HS3ST4: variants seen among roughly 807,000 people sequenced by gnomAD.
The protein encoded by HS3ST4 is heparan sulfate glucosamine 3-O-sulfotransferase 4.
In HS3ST4, 17 loss-of-function variants were observed where a neutral mutation model predicts 29.2. The observed-to-expected ratio is 0.58, with a 90% CI of 0.40 to 0.87. The LOEUF (loss-of-function observed/expected upper bound fraction) is 0.87. Ranked by LOEUF, HS3ST4 falls within the 40% of genes least tolerant of loss-of-function variation. HS3ST4 has a pLI of 0.00. For synonymous variants in HS3ST4, 314 were observed against 285.7 expected, an observed-to-expected ratio of 1.10 and a Z score of -1.00; for missense variants, 627 against 634.5, an observed-to-expected ratio of 0.99 and a Z score of 0.13.
intron 1 of HS3ST4, among the ~76,000 whole-genome samples, chr16:25,861,778 T>C (rs1967639988): frequency 6.6e-6 from 1 of 152,206 alleles, no homozygotes; most frequent in Admixed American, 6.5e-5. Flanking sequence ...TTACCACTTA[T>C]CCTCCCTTAA....
At chr16:25,813,498 G>A (rs536319778) in intron 1 of HS3ST4, among the ~76,000 whole-genome samples, 2 of 152,286 alleles carry the variant, frequency 1.3e-5, no homozygotes, top group South Asian at 4.1e-4. Flanking sequence ...TTGGGAGGCT[G>A]AGGGAGAGGA....
At chr16:25,769,094 G>A (rs1467909959) in intron 1 of HS3ST4, among the ~76,000 whole-genome samples, 3 of 152,150 alleles carry the variant, frequency 2.0e-5, no homozygotes, top group Non-Finnish European at 1.5e-5. Context: ...ATACGAATCT[G>A]GAGTCAGTGT....
Position 26,073,435 on chromosome 16 carries a change from C to T in HS3ST4, c.735-62177C>T, listed in dbSNP as rs142869685. On this transcript the variant is annotated intron_variant, in intron 1 of 1. Transcript: ENST00000331351. ...TGTTACCCAGGCTGGAGTGCAGTGA[C>T]GTGATCTTGGCTCACTGTAGCCTTG... is the stretch of plus-strand genomic sequence containing the variant. Among the ~76,000 whole-genome samples the T allele has an allele frequency of 3.6e-3, 551 of 152,128 alleles. 3 individuals carry two copies. The highest frequency in any genetic ancestry group is 0.013 in the African/African-American group (530 of 41,498).
At chr16:25,984,234 G>T (rs529994414) in intron 1 of HS3ST4, among the ~76,000 whole-genome samples, 1 of 152,256 alleles carries the variant, frequency 6.6e-6, no homozygotes, top group South Asian at 2.1e-4. Context: ...TTTGGAACCT[G>T]GGACTGGTGG....
chr16:26,043,049 C>T (rs1210856062), intron 1 of HS3ST4, among the ~76,000 whole-genome samples: 1 of 152,164 alleles, frequency 6.6e-6, no homozygotes, highest in Non-Finnish European at 1.5e-5. Context: ...TGCTATTCTT[C>T]TTCTAAAGCA....
chr16:25,828,754 A>G (rs1967262990), intron 1 of HS3ST4, among the ~76,000 whole-genome samples: 1 of 152,182 alleles, frequency 6.6e-6, no homozygotes, highest in Admixed American at 6.5e-5. Context: ...AAGTGAGAAC[A>G]TGTGCTATTT....
At chr16:25,925,145 G>A (rs530969290) in intron 1 of HS3ST4, among the ~76,000 whole-genome samples, 1 of 151,230 alleles carries the variant, frequency 6.6e-6, no homozygotes, top group African/African-American at 2.4e-5. Context: ...TCAATACACT[G>A]AGCTCCTACT....
intron 1 of HS3ST4, among the ~76,000 whole-genome samples, chr16:25,794,896 TACACACACACACACACACACACACAC>T (rs59740575): frequency 1.5e-5 from 2 of 136,722 alleles, no homozygotes; most frequent in East Asian, 2.2e-4. Context: ...TACTCAAGAA[TACACACACACACACACACACACACAC>T]ACACACACAC....
intron 1 of HS3ST4, among the ~76,000 whole-genome samples, chr16:25,725,175 T>G (rs1470846810): frequency 6.6e-6 from 1 of 152,124 alleles, no homozygotes; most frequent in South Asian, 2.1e-4. Context: ...TCTAAATGCA[T>G]GGGCATGCAG....
intron 1 of HS3ST4, among the ~76,000 whole-genome samples, chr16:25,885,264 T>C (rs1195302556): frequency 6.6e-6 from 1 of 152,228 alleles, no homozygotes; most frequent in African/African-American, 2.4e-5. Flanking sequence ...GGGGACTTCC[T>C]CTGCCTTGTA....
chr16:26,090,802 A>AT (rs1898848245), intron 1 of HS3ST4, among the ~76,000 whole-genome samples: 1 of 152,198 alleles, frequency 6.6e-6, no homozygotes, highest in African/African-American at 2.4e-5. Context: ...AGAGAGCTGG[A>AT]TAATTCTCCA....
chr16:25,746,704 AT>A (rs1966687792), intron 1 of HS3ST4, among the ~76,000 whole-genome samples: 2 of 152,018 alleles, frequency 1.3e-5, no homozygotes, highest in South Asian at 4.2e-4. Flanking sequence ...GGTGCATGCC[AT>A]GACTCCCAGC....
chr16:25,692,546 G>A lies in HS3ST4; in HGVS notation c.129G>A (p.Leu43=), dbSNP rs1208093183. The change falls in exon 1 of 2, where the codon CTG becomes CTA. Residue 43 remains leucine, a synonymous_variant. Transcript: ENST00000331351. ...RKLLFMCTLS[L]SVTYLCYSLL... ...TGCTTTTTATGTGCACCTTGTCCCTGTCTGTCACCTACCTGTGCTACAGCC... is the reference window on the plus strand; with the variant it reads ...TGCTTTTTATGTGCACCTTGTCCCTATCTGTCACCTACCTGTGCTACAGCC... 1 of 1,453,490 alleles carries A rather than the reference G, an allele frequency of 6.9e-7. No individual in the cohort carries two copies. Among genetic ancestry groups the A allele is most frequent in the Non-Finnish European group, 9.1e-7 (1 of 1,093,722 alleles). 90.0% of individuals were successfully genotyped at this position (1,453,490 alleles called of 1,614,324 possible).
chr16:26,086,438 C>T (rs868699970), intron 1 of HS3ST4, among the ~76,000 whole-genome samples: 1 of 152,192 alleles, frequency 6.6e-6, no homozygotes, highest in Middle Eastern at 3.4e-3. Flanking sequence ...CAAGCTCCGC[C>T]TCCCAAGTTC....
At position 25,853,360 on chromosome 16, in the gene HS3ST4, C is replaced by CT. The variant is rs544942098; in HGVS notation, c.734+160217dup. On this transcript the variant is annotated intron_variant, in intron 1 of 1. Coordinates refer to ENST00000331351, the MANE Select transcript of HS3ST4 (RefSeq NM_006040.3). ...TCTGCAAACAGAGACAATTTAACTT[C>CT]TTTTTTTTCCAATTTGGATGCGTTT... Among the ~76,000 whole-genome samples the CT allele has an allele frequency of 4.6e-4, 69 of 151,256 alleles. No homozygotes were observed. In the East Asian group the frequency reaches 0.012, roughly 26 times the overall value.
chr16:25,837,131 A>G (rs886483086), intron 1 of HS3ST4, among the ~76,000 whole-genome samples: 6 of 152,254 alleles, frequency 3.9e-5, no homozygotes, highest in South Asian at 2.1e-4. Context: ...CTTCTCCAGT[A>G]TAACAGCTGA....
chr16:25,797,024 C>A (rs1455497616), intron 1 of HS3ST4, among the ~76,000 whole-genome samples: 1 of 152,126 alleles, frequency 6.6e-6, no homozygotes, highest in East Asian at 1.9e-4. Context: ...GTCCTCCTGC[C>A]CTTGTCCCTC....
intron 1 of HS3ST4, among the ~76,000 whole-genome samples, chr16:25,897,366 C>T (rs1195718365): frequency 6.6e-6 from 1 of 152,036 alleles, no homozygotes; most frequent in African/African-American, 2.4e-5. Flanking sequence ...GAGGGAGGAT[C>T]ACTTGAGCTC....
intron 1 of HS3ST4, among the ~76,000 whole-genome samples, chr16:25,762,876 CAAA>C (rs67260535): frequency 2.1e-4 from 13 of 60,478 alleles, no homozygotes; most frequent in Middle Eastern, 0.019. Context: ...GACCCTGTCT[CAAA>C]AAAAAAAAAA....
Sources: allele counts gnomAD v4.1 joint callset (sites outside exome capture counted in the v4.1 genomes callset), GRCh38; gene constraint gnomAD v4.1.1; transcripts MANE v1.5; gene names NCBI Gene and HGNC (gene_info 2026-07-23, HGNC 2026-07-21).